CACNA1D: variants seen among roughly 807,000 people sequenced by gnomAD.
CACNA1D encodes calcium voltage-gated channel subunit alpha1 D, also known as voltage-dependent L-type calcium channel subunit alpha-1D.
A neutral mutation model predicts 257.1 loss-of-function variants in CACNA1D; 55 were observed. That is an observed-to-expected ratio of 0.21 (90% CI 0.17 to 0.27). CACNA1D has a LOEUF of 0.27. CACNA1D is among the 10% of genes least tolerant of loss of function. CACNA1D has a pLI of 1.00. For missense variants in CACNA1D, 1,876 were observed against 2,784.0 expected (o/e 0.67, Z 7.34); for synonymous variants, 980 against 1,014.9 (o/e 0.97, Z 0.65).
Position 53,495,352 on chromosome 3 carries a change from C to A in CACNA1D, c.67+119C>A. ...AGGGGGTTGGAGAGGGTGCTGCCAG[C>A]TCGGTGTCGTCTACACAGAGAGGGG... On this transcript the variant is annotated intron_variant, in intron 1 of 47. Coordinates refer to ENST00000350061, the MANE Select transcript of CACNA1D (RefSeq NM_001128840.3). The surrounding 1 kb of genome is among the most constrained non-coding windows in gnomAD (Gnocchi z 5.1). 1.7e-6 allele frequency: 2 copies of A among 1,191,738 alleles called. No homozygotes were observed. The highest frequency in any genetic ancestry group is 1.2e-6 in the Non-Finnish European group (1 of 802,110). 73.8% of individuals were successfully genotyped at this position (1,191,738 alleles called of 1,614,324 possible). A position where few individuals can be genotyped will look rare whatever the true frequency, so the allele number is the denominator to read the frequency against.
In CACNA1D at chr3:53,634,338, C is replaced by A. The variant is rs545047589; in HGVS notation, c.484-16441C>A. ...TGATTGTCCTCCATAGTTATGAAAG[C>A]ATTAAAAAAGCATCTACCTATGCCT... On this transcript the variant is annotated intron_variant, in intron 3 of 47. Coordinates refer to ENST00000350061, the MANE Select transcript of CACNA1D (RefSeq NM_001128840.3). Among the ~76,000 whole-genome samples the A allele has an allele frequency of 8.5e-5, 13 of 152,286 alleles. No individual in the cohort carries two copies. In the South Asian group the frequency reaches 2.7e-3, roughly 32 times the overall value.
chr3:53,654,661 A>G (rs1383864442), intron 4 of CACNA1D, among the ~76,000 whole-genome samples: 3 of 152,202 alleles, frequency 2.0e-5, no homozygotes, highest in Non-Finnish European at 2.9e-5. Flanking sequence ...ATTCAGCCAC[A>G]TTCAGTCATG....
chr3:53,568,055 G>A (rs978457648), intron 3 of CACNA1D, among the ~76,000 whole-genome samples: 2 of 152,146 alleles, frequency 1.3e-5, no homozygotes, highest in Non-Finnish European at 2.9e-5. Flanking sequence ...TAATGGAGAC[G>A]GACACATCAA....
intron 8 of CACNA1D, among the ~76,000 whole-genome samples, chr3:53,689,971 T>G (rs2094505140): frequency 6.6e-6 from 1 of 152,244 alleles, no homozygotes; most frequent in Non-Finnish European, 1.5e-5. Flanking sequence ...GATTTTTTTT[T>G]AATTGCTTAT....
intron 3 of CACNA1D, among the ~76,000 whole-genome samples, chr3:53,505,877 T>A (rs372346454): frequency 2.6e-5 from 4 of 152,278 alleles, no homozygotes; most frequent in African/African-American, 7.2e-5. Context: ...ACCAGATGCC[T>A]TACAGTGGCC....
At chr3:53,661,642 T>C (rs1183117083) in intron 5 of CACNA1D, among the ~76,000 whole-genome samples, 1 of 152,180 alleles carries the variant, frequency 6.6e-6, no homozygotes, top group African/African-American at 2.4e-5. Context: ...GGACAGCCTG[T>C]CTATGGTATG....
At chr3:53,710,818 C>T (rs1171566574) in intron 9 of CACNA1D, among the ~76,000 whole-genome samples, 1 of 152,052 alleles carries the variant, frequency 6.6e-6, no homozygotes, top group African/African-American at 2.4e-5. Context: ...TTAGAAATTC[C>T]AATAATGTTA....
At chr3:53,584,246 C>T (rs935042630) in intron 3 of CACNA1D, among the ~76,000 whole-genome samples, 3 of 152,168 alleles carry the variant, frequency 2.0e-5, no homozygotes, top group South Asian at 2.1e-4. Flanking sequence ...AATAGATGCA[C>T]ATGGATCCTA....
intron 8 of CACNA1D, among the ~76,000 whole-genome samples, chr3:53,680,565 G>A (rs71301847): frequency 0.059 from 9,018 of 152,162 alleles, 331 homozygotes; most frequent in Non-Finnish European, 0.071. Context: ...GGAGGCTGTT[G>A]AATCTGTTGA....
chr3:53,669,082 G>A (rs1411240608), intron 7 of CACNA1D, among the ~76,000 whole-genome samples: 3 of 152,218 alleles, frequency 2.0e-5, no homozygotes, highest in African/African-American at 4.8e-5. Flanking sequence ...AACACTAGGG[G>A]GCAGCTAAGT....
chr3:53,803,385 G>A (rs375489359), intron 43 of CACNA1D, 38 bp from the exon 44 acceptor site: 35 of 1,612,970 alleles, frequency 2.2e-5, no homozygotes, highest in South Asian at 1.1e-4. Context: ...ATTATCTGCC[G>A]CCTGCCCAGG....
chr3:53,557,024 G>A (rs7642214), intron 3 of CACNA1D, among the ~76,000 whole-genome samples: 12,544 of 152,036 alleles, frequency 0.083, 1,495 homozygotes, highest in African/African-American at 0.25. Flanking sequence ...CTGTCTTTCT[G>A]TTCTCTAAGT....
chr3:53,659,639 G>A (rs1415156455), intron 4 of CACNA1D, among the ~76,000 whole-genome samples: 2 of 152,218 alleles, frequency 1.3e-5, no homozygotes, highest in African/African-American at 4.8e-5. Flanking sequence ...GTTTACATGT[G>A]TTGCTGCTAG....
chr3:53,698,010 G>A (rs13060285), intron 8 of CACNA1D, among the ~76,000 whole-genome samples: 1 of 152,192 alleles, frequency 6.6e-6, no homozygotes, highest in Non-Finnish European at 1.5e-5. Flanking sequence ...ACCTGCCAGA[G>A]CATCTTTGCT....
chr3:53,560,535 T>G (rs1250546812), intron 3 of CACNA1D, among the ~76,000 whole-genome samples: 1 of 152,208 alleles, frequency 6.6e-6, no homozygotes, highest in Admixed American at 6.5e-5. Flanking sequence ...TTCCTTACTT[T>G]AAAGCAGAGG....
chr3:53,502,872 ACT>A (rs1415169149), intron 3 of CACNA1D, among the ~76,000 whole-genome samples: 2 of 151,616 alleles, frequency 1.3e-5, no homozygotes, highest in African/African-American at 4.9e-5. Context: ...ATAACAGGAA[ACT>A]CTATTGTTTT....
At chr3:53,537,122 C>A (rs924087909) in intron 3 of CACNA1D, among the ~76,000 whole-genome samples, 10 of 152,202 alleles carry the variant, frequency 6.6e-5, no homozygotes, top group Non-Finnish European at 1.3e-4. Flanking sequence ...CTCTCTCCTA[C>A]ATTGTCCTTT....
chr3:53,682,365 TA>T (rs3082718), intron 8 of CACNA1D, among the ~76,000 whole-genome samples: 3,134 of 47,052 alleles, frequency 0.067, 54 homozygotes, highest in Non-Finnish European at 0.086. Flanking sequence ...TTGTCTCTGG[TA>T]AAAAAAAAAA....
intron 3 of CACNA1D, among the ~76,000 whole-genome samples, chr3:53,538,223 C>T (rs2092180058): frequency 7.1e-6 from 1 of 140,890 alleles, no homozygotes; most frequent in Non-Finnish European, 1.5e-5. Context: ...TCTTGGCTCA[C>T]TGCAACCTCT....
Sources: gnomAD v4.1 joint callset for allele counts (sites outside exome capture counted in the v4.1 genomes callset) on GRCh38, gnomAD v4.1.1 for gene constraint, Gnocchi (gnomAD v3.1) non-coding constraint, MANE v1.5 for transcripts, NCBI Gene and HGNC (gene_info 2026-07-23, HGNC 2026-07-21) for gene names.